The following PCDH15 variants were observed in gnomAD, a reference collection of about 807,000 sequenced individuals.
PCDH15 encodes the protein protocadherin related 15.
In PCDH15, 129 loss-of-function variants were observed where a neutral mutation model predicts 178.5. The ratio of observed to expected loss-of-function variants is 0.72; its 90% CI spans 0.63 to 0.84. The LOEUF is 0.84. PCDH15 is among the 40% of genes least tolerant of loss of function. The pLI, the probability that PCDH15 is intolerant of heterozygous loss-of-function variation, is 0.00. For synonymous variants in PCDH15, 800 were observed against 732.0 expected, an observed-to-expected ratio of 1.09 and a Z score of -1.50; for missense variants, 2,230 against 2,099.9, an observed-to-expected ratio of 1.06 and a Z score of -1.21.
intron 2 of PCDH15, among the ~76,000 whole-genome samples, chr10:54,924,752 A>C (rs1837575895): frequency 6.6e-6 from 1 of 152,136 alleles, no homozygotes. Context: ...TTCTTTTAAA[A>C]AGTGTCTGTT....
At chr10:54,776,470 T>C (rs184533333) in intron 1 of PCDH15, among the ~76,000 whole-genome samples, 1 of 152,048 alleles carries the variant, frequency 6.6e-6, no homozygotes, top group African/African-American at 2.4e-5. Flanking sequence ...AGTTCATACC[T>C]GTAGCCTCAG....
intron 3 of PCDH15, among the ~76,000 whole-genome samples, chr10:54,467,683 AAAAT>A (rs1168431969): frequency 6.8e-6 from 1 of 148,086 alleles, no homozygotes; most frequent in Non-Finnish European, 1.5e-5. Flanking sequence ...CTGGCCTCAC[AAAAT>A]AAATTGGCTG....
intron 2 of PCDH15, among the ~76,000 whole-genome samples, chr10:55,144,620 G>T (rs1838451059): frequency 1.3e-5 from 2 of 152,042 alleles, no homozygotes; most frequent in Admixed American, 1.3e-4. Flanking sequence ...GGTTAAGATT[G>T]TGTAATACTG....
At chr10:55,161,555 C>G (rs567833262) in intron 2 of PCDH15, among the ~76,000 whole-genome samples, 1 of 152,264 alleles carries the variant, frequency 6.6e-6, no homozygotes, top group Admixed American at 6.5e-5. Context: ...AAAGCCCAAA[C>G]TATTTACCCT....
chr10:54,699,071 A>C (rs978305057), intron 1 of PCDH15, among the ~76,000 whole-genome samples: 1 of 152,156 alleles, frequency 6.6e-6, no homozygotes, highest in African/African-American at 2.4e-5. Context: ...GTTTACCCAA[A>C]ATCTGTTTCT....
At chr10:53,978,570 T>C (rs188285053) in intron 21 of PCDH15, among the ~76,000 whole-genome samples, 117 of 152,160 alleles carry the variant, frequency 7.7e-4, no homozygotes, top group Middle Eastern at 3.5e-3. Context: ...CCAGCAGACA[T>C]TTCCCCCATT....
chr10:55,609,659 T>C (rs1275102102), intron 2 of PCDH15, among the ~76,000 whole-genome samples: 1 of 152,094 alleles, frequency 6.6e-6, no homozygotes, highest in Non-Finnish European at 1.5e-5. Flanking sequence ...AAGAATAATA[T>C]ATATCAAAAA....
At chr10:55,589,370 T>A (rs1040941292) in intron 2 of PCDH15, among the ~76,000 whole-genome samples, 1 of 152,134 alleles carries the variant, frequency 6.6e-6, no homozygotes, top group African/African-American at 2.4e-5. Context: ...GTTATAGATA[T>A]ACGGCGTTAT....
chr10:54,867,240 G>T (rs1360276822), intron 3 of PCDH15, among the ~76,000 whole-genome samples: 1 of 152,078 alleles, frequency 6.6e-6, no homozygotes, highest in Non-Finnish European at 1.5e-5. Flanking sequence ...TGTGCATTGG[G>T]ATTCAGCACC....
At chr10:54,997,057 T>C (rs7917527) in intron 2 of PCDH15, among the ~76,000 whole-genome samples, 125,248 of 150,366 alleles carry the variant, frequency 0.83, 52,701 homozygotes, top group African/African-American at 0.96. Context: ...TGCAGTGAGC[T>C]GAGATCGCAC....
chr10:55,337,221 G>T (rs1303989850), intron 2 of PCDH15, among the ~76,000 whole-genome samples: 1 of 152,172 alleles, frequency 6.6e-6, no homozygotes, highest in Non-Finnish European at 1.5e-5. Flanking sequence ...GAGTGGGTTG[G>T]GTTGGAGAAA....
At chr10:53,854,834 G>A (rs2078616912) in intron 28 of PCDH15, among the ~76,000 whole-genome samples, 1 of 151,972 alleles carries the variant, frequency 6.6e-6, no homozygotes, top group Admixed American at 6.6e-5. Context: ...TGAAACTGAG[G>A]TTGAAAAGAT....
At chr10:55,064,717 C>T (rs1276816024) in intron 2 of PCDH15, among the ~76,000 whole-genome samples, 2 of 151,896 alleles carry the variant, frequency 1.3e-5, no homozygotes, top group Admixed American at 1.3e-4. Flanking sequence ...AATGTAGTTA[C>T]GAGTTTTCAT....
At chr10:54,229,095 T>A (rs2053782330) in intron 9 of PCDH15, among the ~76,000 whole-genome samples, 1 of 152,122 alleles carries the variant, frequency 6.6e-6, no homozygotes, top group African/African-American at 2.4e-5. Flanking sequence ...AGATTAAAGG[T>A]AACACTAATG....
At position 54,073,673 on chromosome 10, in the gene PCDH15, T is replaced by G. The variant is rs145683767; in HGVS notation, c.2091+5658A>C. ...ATTCAATCCAGTAATTCAAGAGCAT[T>G]TTACAGAAATCAAACCATGATGGAA... On this transcript the variant is annotated intron_variant, in intron 17 of 37. Transcript: ENST00000644397. Among the ~76,000 whole-genome samples, 363 of 152,254 alleles carry G rather than the reference T, an allele frequency of 2.4e-3. 3 individuals carry two copies. The highest frequency in any genetic ancestry group is 8.2e-3 in the African/African-American group (339 of 41,548).
chr10:54,928,904 C>A (rs1419494593), intron 2 of PCDH15, among the ~76,000 whole-genome samples: 1 of 152,060 alleles, frequency 6.6e-6, no homozygotes, highest in African/African-American at 2.4e-5. Context: ...TTGTTGCTAT[C>A]CATATTGTAA....
intron 2 of PCDH15, among the ~76,000 whole-genome samples, chr10:55,557,620 A>G (rs559844972): frequency 1.3e-5 from 2 of 152,194 alleles, no homozygotes; most frequent in South Asian, 4.1e-4. Context: ...TTACCTTATG[A>G]CCAAGTAATG....
chr10:54,801,323 C>CT (rs1229262796), upstream of PCDH15: 2 of 152,198 alleles, frequency 1.3e-5, no homozygotes, highest in Non-Finnish European at 2.9e-5. Flanking sequence ...CAGCAATTAG[C>CT]TATCTTGCTT....
At chr10:55,219,020 A>G (rs935913133) in intron 1 of PCDH15, among the ~76,000 whole-genome samples, 1 of 152,040 alleles carries the variant, frequency 6.6e-6, no homozygotes, top group Non-Finnish European at 1.5e-5. Context: ...CTGGGAAGCA[A>G]CATTCTCTCA....
Sources: allele counts gnomAD v4.1 joint callset (sites outside exome capture counted in the v4.1 genomes callset), GRCh38; gene constraint gnomAD v4.1.1; transcripts MANE v1.5; gene names NCBI Gene and HGNC (gene_info 2026-07-23, HGNC 2026-07-21).